EIF4E: variants seen among roughly 807,000 people sequenced by gnomAD.
EIF4E encodes the protein eIF-4F 25 kDa subunit.
For synonymous variants in EIF4E, 71 were observed against 88.5 expected, an observed-to-expected ratio of 0.80 and a Z score of 1.11; for missense variants, 113 against 265.6, an observed-to-expected ratio of 0.43 and a Z score of 3.99.
intron 2 of EIF4E, among the ~76,000 whole-genome samples, chr4:98,896,807 C>A (rs1218987013): frequency 6.6e-6 from 1 of 151,226 alleles, no homozygotes; most frequent in Non-Finnish European, 1.5e-5. Flanking sequence ...AAAACTCCAA[C>A]TCTACAAAAA....
chr4:98,917,753 G>A (rs1192277173), intron 1 of EIF4E, among the ~76,000 whole-genome samples: 1 of 152,146 alleles, frequency 6.6e-6, no homozygotes, highest in African/African-American at 2.4e-5. Context: ...TGGTGTCCTA[G>A]GTCATGGTAC....
In EIF4E at chr4:98,879,840, A is replaced by C. The variant is rs1723603662; in HGVS notation, c.*1188T>G. The C allele has an allele frequency of 6.6e-6, 1 of 152,176 alleles. No homozygotes were observed. Among genetic ancestry groups the C allele is most frequent in the Non-Finnish European group, 1.5e-5 (1 of 67,990 alleles). The allele number at this position is 152,176 out of a possible 1,614,324, so 9.4% of individuals were successfully genotyped here. On this transcript the variant is annotated 3_prime_UTR_variant, in exon 7 of 7. Transcript: ENST00000450253. ...GAATGACTGTGCCTTACTTTATAAA[A>C]AAACAAAGATAGCCACATCAATTTA...
chr4:98,886,155 A>G (rs1723911393), intron 5 of EIF4E, among the ~76,000 whole-genome samples: 1 of 151,994 alleles, frequency 6.6e-6, no homozygotes, highest in Non-Finnish European at 1.5e-5. Flanking sequence ...TCTAAAAAAA[A>G]GCAAAATAGT....
chr4:98,883,107 G>A (rs539508855), intron 6 of EIF4E, among the ~76,000 whole-genome samples: 74 of 152,086 alleles, frequency 4.9e-4, no homozygotes, highest in Admixed American at 1.4e-3. Flanking sequence ...CCAACATGGC[G>A]AAACCCTGTC....
At chr4:98,911,245 T>C (rs1344611807) in intron 1 of EIF4E, among the ~76,000 whole-genome samples, 2 of 151,180 alleles carry the variant, frequency 1.3e-5, no homozygotes, top group African/African-American at 4.9e-5. Context: ...GACAGGGGTT[T>C]CACCATCTTG....
intron 1 of EIF4E, chr4:98,909,549 C>T (rs918386207): frequency 1.6e-5 from 10 of 640,354 alleles, no homozygotes; most frequent in Non-Finnish European, 2.5e-5. Context: ...AGGCTTCTAA[C>T]TCCACTGAAT....
At chr4:98,913,699 T>A (rs1455991222) in intron 1 of EIF4E, among the ~76,000 whole-genome samples, 1 of 152,220 alleles carries the variant, frequency 6.6e-6, no homozygotes, top group Non-Finnish European at 1.5e-5. Context: ...GGTATAGTCA[T>A]CAGTTTCATA....
At chr4:98,897,579 A>G (rs377334636) in intron 2 of EIF4E, among the ~76,000 whole-genome samples, 23 of 152,300 alleles carry the variant, frequency 1.5e-4, no homozygotes, top group South Asian at 1.5e-3. Flanking sequence ...AACAAAAAAA[A>G]AGGAATGACT....
chr4:98,884,105 C>T lies in EIF4E; in HGVS notation c.539+817G>A, dbSNP rs1723813410. ...CAAAAAAAGGTTTAATAAAACCCTA[C>T]ATATGTGGGTTTTAAACATGGAACA... On this transcript the variant is annotated intron_variant, in intron 6 of 6. Transcript: ENST00000450253. Among the ~76,000 whole-genome samples, 3 of 150,278 alleles carry T rather than the reference C, an allele frequency of 2.0e-5. No homozygotes were observed. In the South Asian group the frequency reaches 6.3e-4, roughly 31 times the overall value.
chr4:98,903,125 A>G (rs914921883), intron 1 of EIF4E, among the ~76,000 whole-genome samples: 7 of 152,194 alleles, frequency 4.6e-5, no homozygotes, highest in African/African-American at 1.7e-4. Context: ...ACATTCTTCC[A>G]TGTAGCTCTT....
intron 2 of EIF4E, among the ~76,000 whole-genome samples, chr4:98,893,237 T>C (rs1724234625): frequency 6.6e-6 from 1 of 152,254 alleles, no homozygotes; most frequent in African/African-American, 2.4e-5. Flanking sequence ...ATCTTGCTGA[T>C]GGAGGGTCTT....
chr4:98,916,616 G>A (rs1025863274), intron 1 of EIF4E, among the ~76,000 whole-genome samples: 6 of 152,082 alleles, frequency 3.9e-5, no homozygotes, highest in African/African-American at 1.4e-4. Context: ...GGGAGTGAGG[G>A]TGAGAGAGCA....
intron 2 of EIF4E, chr4:98,895,043 C>A (rs756482794): frequency 2.0e-5 from 3 of 152,358 alleles, no homozygotes; most frequent in Admixed American, 1.3e-4. Context: ...AGAACACATA[C>A]AACATTTATC....
intron 1 of EIF4E, among the ~76,000 whole-genome samples, chr4:98,917,584 AAAC>A (rs1452339039): frequency 2.6e-5 from 4 of 152,204 alleles, no homozygotes; most frequent in Non-Finnish European, 5.9e-5. Context: ...TTTCAAAACT[AAAC>A]AACACATAGC....
chr4:98,907,579 T>C (rs752195664), intron 1 of EIF4E, among the ~76,000 whole-genome samples: 18 of 152,164 alleles, frequency 1.2e-4, no homozygotes, highest in Non-Finnish European at 2.4e-4. Flanking sequence ...ACAGTTTTCC[T>C]CTCATAACAG....
chr4:98,912,601 T>G (rs1206586033), intron 1 of EIF4E, among the ~76,000 whole-genome samples: 3 of 150,014 alleles, frequency 2.0e-5, no homozygotes, highest in African/African-American at 7.3e-5. Context: ...AAAAGAAAAA[T>G]TTACATACGT....
In EIF4E at chr4:98,881,012, C is replaced by T. The variant is rs771379922; in HGVS notation, c.*16G>A. 242 of 1,602,480 alleles carry T rather than the reference C, an allele frequency of 1.5e-4. No individual in the cohort carries two copies. The highest frequency in any genetic ancestry group is 2.0e-4 in the Non-Finnish European group (239 of 1,174,890). ...CTTGACGCAGTCTCCTATGAGAATACTCAGAAGGTGTCTTCTTAAACAACA... is the reference window on the plus strand; with the variant it reads ...CTTGACGCAGTCTCCTATGAGAATATTCAGAAGGTGTCTTCTTAAACAACA... On this transcript the variant is annotated 3_prime_UTR_variant, in exon 7 of 7. Coordinates refer to ENST00000450253, the MANE Select transcript of EIF4E (RefSeq NM_001968.5).
intron 2 of EIF4E, among the ~76,000 whole-genome samples, chr4:98,899,294 G>A (rs182648288): frequency 6.6e-6 from 1 of 152,226 alleles, no homozygotes. Context: ...TCTGTCCTCA[G>A]ATAAAAACCA....
intron 3 of EIF4E, among the ~76,000 whole-genome samples, chr4:98,890,369 TAA>T (rs1212836061): frequency 1.3e-5 from 2 of 152,236 alleles, no homozygotes; most frequent in Non-Finnish European, 2.9e-5. Context: ...AAGTGCTTAT[TAA>T]AGAGTTTTGC....
Sources: allele counts gnomAD v4.1 joint callset (sites outside exome capture counted in the v4.1 genomes callset), GRCh38; gene constraint gnomAD v4.1.1; transcripts MANE v1.5; gene names NCBI Gene and HGNC (gene_info 2026-07-23, HGNC 2026-07-21).